Variants in ZNF211 observed in about 807,000 individuals in gnomAD.
ZNF211 encodes zinc finger protein 211.
A neutral mutation model predicts 12.1 loss-of-function variants in ZNF211; 18 were observed. The observed-to-expected ratio is 1.48, with a 90% CI of 1.03 to 2.20. The LOEUF (loss-of-function observed/expected upper bound fraction) is 2.20. Among genes scored for constraint, ZNF211 ranks in the 30% most tolerant of loss-of-function variants. The probability of loss-of-function intolerance (pLI) is 0.00; values close to 1 mark genes in which losing one functional copy is unlikely to be tolerated. For missense variants in ZNF211, 677 were observed against 703.1 expected (o/e 0.96, Z 0.42); for synonymous variants, 249 against 246.0 (o/e 1.01, Z -0.11).
rs138509521 is a variant in ZNF211 at position 57,640,307 on chromosome 19, C to T, written c.257-397C>T. On this transcript the variant is annotated intron_variant, in intron 3 of 3. Coordinates refer to ENST00000240731, the MANE Select transcript of ZNF211 (RefSeq NM_006385.5). ...TAGTGTTCTTTAATATTATTTTGTC[C>T]TGAAGTGTGCATATCTCCCTTAATA... Among the ~76,000 whole-genome samples, 184 of 152,212 alleles carry T rather than the reference C, an allele frequency of 1.2e-3. 2 individuals carry two copies. The highest frequency in any genetic ancestry group is 4.3e-3 in the African/African-American group (177 of 41,500).
intron 3 of ZNF211, among the ~76,000 whole-genome samples, chr19:57,637,955 G>A (rs1252020799): frequency 6.7e-6 from 1 of 149,162 alleles, no homozygotes; most frequent in Non-Finnish European, 1.5e-5. Flanking sequence ...CTAGAGTGCA[G>A]TGGTGTGATC....
intron 1 of ZNF211, chr19:57,633,698 T>TA: frequency 6.5e-7 from 1 of 1,533,668 alleles, no homozygotes; most frequent in Middle Eastern, 1.7e-4. Flanking sequence ...GAGAGAGATC[T>TA]ACCTTTATTC....
chr19:57,633,387 A>G lies in ZNF211; in HGVS notation c.41A>G (p.Gln14Arg), dbSNP rs201176921. Residue 14 changes from glutamine to arginine, a missense_variant, in exon 1 of 4, where the codon CAG becomes CGG. Gln to Arg is a conservative substitution (Grantham distance 43, BLOSUM62 1). Coordinates refer to ENST00000240731, the MANE Select transcript of ZNF211 (RefSeq NM_006385.5). ...CCGGGTCGCCCGCAGCTCCCGGTCC[A>G]GCTCCGCCCACAGACTCGGATGGCG... ...FPPGRPQLPVQLRPQTRMATA... is the reference protein window; with the variant it reads ...FPPGRPQLPVRLRPQTRMATA... The G allele has an allele frequency of 1.2e-4, 191 of 1,604,524 alleles. No homozygotes were observed. The East Asian group carries it at 4.2e-3, about 35-fold the overall frequency.
chr19:57,643,349 A>G lies in ZNF211; in HGVS notation c.*1168A>G, dbSNP rs547741632. The stretch of plus-strand genomic sequence containing the variant: ...GATCAGTGTGTACAGACATTCTTAG[A>G]ATTTCCAGGCATGTGTATTTTTTGT... On this transcript the variant is annotated 3_prime_UTR_variant, in exon 4 of 4. Transcript: ENST00000240731. Among the ~76,000 whole-genome samples, 17 of 152,136 alleles carry G rather than the reference A, an allele frequency of 1.1e-4. No homozygotes were observed. The highest frequency in any genetic ancestry group is 2.1e-4 in the Non-Finnish European group (14 of 68,010).
intron 3 of ZNF211, among the ~76,000 whole-genome samples, chr19:57,637,976 G>A (rs992812867): frequency 1.4e-5 from 2 of 147,740 alleles, no homozygotes; most frequent in African/African-American, 2.5e-5. Context: ...TTGGCTCACT[G>A]CAACCTCCAC....
At chr19:57,637,431 T>A (rs1166791144) in intron 3 of ZNF211, among the ~76,000 whole-genome samples, 1 of 152,138 alleles carries the variant, frequency 6.6e-6, no homozygotes, top group African/African-American at 2.4e-5. Flanking sequence ...ATCGTTTTAA[T>A]TTTTTTAGAG....
Position 57,641,604 on chromosome 19 carries a change from A to T in ZNF211, c.1157A>T (p.Glu386Val), listed in dbSNP as rs1568645474. ...HTGERPYECS[E>V]CGKSFSQNFS... ...GGAGAAAGGCCTTATGAATGCAGCG[A>T]ATGTGGGAAATCTTTTAGCCAAAAC... is the stretch of plus-strand genomic sequence containing the variant. Residue 386 changes from glutamate (E) to valine (V), a missense_variant, in exon 4 of 4, where the codon GAA becomes GTA. By Grantham distance (121) the Glu-to-Val change is moderately radical. Transcript: ENST00000240731. 1.2e-6 allele frequency: 2 copies of T among 1,613,406 alleles called. No homozygotes were observed. Among genetic ancestry groups the T allele is most frequent in the Non-Finnish European group, 1.7e-6 (2 of 1,179,524 alleles).
At chr19:57,638,948 A>G (rs1982485938) in intron 3 of ZNF211, among the ~76,000 whole-genome samples, 1 of 152,202 alleles carries the variant, frequency 6.6e-6, no homozygotes, top group Admixed American at 6.5e-5. Flanking sequence ...TTATTAGTAT[A>G]TAATATCCTT....
intron 3 of ZNF211, among the ~76,000 whole-genome samples, chr19:57,637,119 C>T (rs1306242599): frequency 1.3e-5 from 2 of 152,098 alleles, no homozygotes; most frequent in Admixed American, 1.3e-4. Flanking sequence ...CCATGTATAT[C>T]ATCTGTGAGC....
chr19:57,640,768 G>A lies in ZNF211; in HGVS notation c.321G>A (p.Val107=), dbSNP rs1939186390. 1 of 1,614,210 alleles carries A rather than the reference G, an allele frequency of 6.2e-7. No individual in the cohort carries two copies. Among genetic ancestry groups the A allele is most frequent in the Non-Finnish European group, 8.5e-7 (1 of 1,180,038 alleles). Residue 107 remains valine (V), a synonymous_variant, in exon 4 of 4, where the codon GTG becomes GTA. Coordinates refer to ENST00000240731, the MANE Select transcript of ZNF211 (RefSeq NM_006385.5). ...AACAGAGAATTTCTGGAGAAAGAGTGCCACAGTTCAGGACTTCCAAAGAAG... is the reference window on the plus strand; with the variant it reads ...AACAGAGAATTTCTGGAGAAAGAGTACCACAGTTCAGGACTTCCAAAGAAG... ...PSEQRISGER[V]PQFRTSKEGS... is the part of the protein sequence containing the mutation.
rs759209928 is a variant in ZNF211 at position 57,640,058 on chromosome 19, A to G, written c.257-646A>G. 2.0e-6 allele frequency: 3 copies of G among 1,535,832 alleles called. No homozygotes were observed. In the South Asian group the frequency reaches 3.6e-5, roughly 18 times the overall value. On this transcript the variant is annotated intron_variant, in intron 3 of 3. Transcript: ENST00000240731. Reference sequence around the variant, plus strand: ...ACATGAATGGCACTTGGGAAAAGGCATGTCATCAGGTCTGTGTTTAAATTG... The same window carrying G: ...ACATGAATGGCACTTGGGAAAAGGCGTGTCATCAGGTCTGTGTTTAAATTG...
Position 57,641,794 on chromosome 19 carries a change from A to G in ZNF211, c.1347A>G (p.Gln449=). The G allele has an allele frequency of 6.2e-7, 1 of 1,613,262 alleles. No homozygotes were observed. The highest frequency in any genetic ancestry group is 8.5e-7 in the Non-Finnish European group (1 of 1,179,806). Residue 449 remains glutamine, a synonymous_variant, in exon 4 of 4, where the codon CAA becomes CAG. Transcript: ENST00000240731. ...GTAAATGTGGGAAGTCATTTAAGCA[A>G]AGCTCCAGCTTCAGTTCACATCGGA... ...ECSKCGKSFK[Q]SSSFSSHRKV...
In ZNF211 at chr19:57,642,311, C is replaced by A; in HGVS notation, c.*130C>A. The A allele has an allele frequency of 9.6e-7, 1 of 1,039,172 alleles. No individual in the cohort carries two copies. The highest frequency in any genetic ancestry group is 2.4e-5 in the East Asian group (1 of 41,272). 64.4% of individuals were successfully genotyped at this position (1,039,172 alleles called of 1,614,324 possible). A position where few individuals can be genotyped will look rare whatever the true frequency, so the allele number is the denominator to read the frequency against. On this transcript the variant is annotated 3_prime_UTR_variant, in exon 4 of 4. Coordinates refer to ENST00000240731, the MANE Select transcript of ZNF211 (RefSeq NM_006385.5). ...ACAGTGGGCGGATTCCCCTTAAGTT[C>A]CAGGTATGTGTTACACTTTCTAACA...
Position 57,641,368 on chromosome 19 carries a change from T to C in ZNF211, c.921T>C (p.Phe307=). The change falls in exon 4 of 4, where the codon TTT becomes TTC. Residue 307 remains phenylalanine, a synonymous_variant. Transcript: ENST00000240731. ...AATGCAATGAATGTGGAAAATTCTT[T>C]ACCTACTACTCCAGTTTCATTATAC... ...PYECNECGKF[F]TYYSSFIIHQ... 3 of 1,614,230 alleles carry C rather than the reference T, an allele frequency of 1.9e-6. No individual in the cohort carries two copies. The highest frequency in any genetic ancestry group is 1.7e-6 in the Non-Finnish European group (2 of 1,180,042).
At position 57,643,689 on chromosome 19, in the gene ZNF211, A is replaced by G. The variant is rs550324063; in HGVS notation, c.*1508A>G. 6.6e-6 allele frequency among the ~76,000 whole-genome samples: 1 copy of G among 152,342 alleles called. No individual in the cohort carries two copies. Among genetic ancestry groups the G allele is most frequent in the Non-Finnish European group, 1.5e-5 (1 of 68,034 alleles). ...GTCAAAAACACATTATACCATCATT[A>G]TAATTATTACAATGAACATATCAGT... On this transcript the variant is annotated 3_prime_UTR_variant, in exon 4 of 4. Coordinates refer to ENST00000240731, the MANE Select transcript of ZNF211 (RefSeq NM_006385.5).
At position 57,642,362 on chromosome 19, in the gene ZNF211, C is replaced by G. The variant is rs972323161; in HGVS notation, c.*181C>G. 1.6e-5 allele frequency: 11 copies of G among 671,946 alleles called. No individual in the cohort carries two copies. The highest frequency in any genetic ancestry group is 2.1e-5 in the Non-Finnish European group (9 of 418,758). The allele number at this position is 671,946 out of a possible 1,614,324, so 41.6% of individuals were successfully genotyped here. The stretch of plus-strand genomic sequence containing the variant: ...TGCCATTTAGAAAGTGTTAGACTTT[C>G]TCACCTGCCATTTATGGCTCTTGCC... On this transcript the variant is annotated 3_prime_UTR_variant, in exon 4 of 4. Transcript: ENST00000240731.
At chr19:57,633,684 G>A (rs558332953) in intron 1 of ZNF211, 2 of 1,534,220 alleles carry the variant, frequency 1.3e-6, no homozygotes, top group African/African-American at 1.4e-5. Flanking sequence ...AGGGAACAAA[G>A]TTTGAGAGAG....
chr19:57,635,051 G>T (rs970825462), intron 3 of ZNF211: 1 of 728,582 alleles, frequency 1.4e-6, no homozygotes, highest in African/African-American at 1.9e-5. Context: ...CCCTCCCTTC[G>T]TGTACCTAAC....
Position 57,633,219 on chromosome 19 carries a change from A to T in ZNF211, c.-128A>T. 1.1e-6 allele frequency: 1 copy of T among 929,492 alleles called. No homozygotes were observed. The highest frequency in any genetic ancestry group is 1.5e-6 in the Non-Finnish European group (1 of 660,946). The allele number at this position is 929,492 out of a possible 1,614,324, so 57.6% of individuals were successfully genotyped here. A position where few individuals can be genotyped will look rare whatever the true frequency, so the allele number is the denominator to read the frequency against. ...GCGGTCATTTTGGCTGCCCTCCCGG[A>T]GGTCCGTTCTGTCTGTCAGCCGCTT... On this transcript the variant is annotated 5_prime_UTR_variant, in exon 1 of 4. Transcript: ENST00000240731.
Sources: allele counts gnomAD v4.1 joint callset (sites outside exome capture counted in the v4.1 genomes callset), GRCh38; gene constraint gnomAD v4.1.1; transcripts MANE v1.5; gene names NCBI Gene and HGNC (gene_info 2026-07-23, HGNC 2026-07-21).